The following MID1 variants were observed in gnomAD, a reference collection of about 807,000 sequenced individuals.
MID1 encodes the protein E3 ubiquitin-protein ligase Midline-1.
In MID1, 7 loss-of-function variants were observed where a neutral mutation model predicts 40.4. The ratio of observed to expected loss-of-function variants is 0.17; its 90% CI spans 0.10 to 0.33. MID1 has a LOEUF of 0.33. Among genes scored for constraint, MID1 ranks in the 10% least tolerant of loss-of-function variants. The probability of loss-of-function intolerance (pLI) is 1.00; values close to 1 mark genes in which losing one functional copy is unlikely to be tolerated. For missense variants in MID1, 367 were observed against 558.5 expected (o/e 0.66, Z 3.46); for synonymous variants, 229 against 221.2 (o/e 1.04, Z -0.31).
chrX:10,806,531 C>T (rs982843392), intron 1 of MID1, among the ~76,000 whole-genome samples: 7 of 111,592 alleles, frequency 6.3e-5, no homozygotes, highest in African/African-American at 1.3e-4. Context: ...GTTAAGAGGG[C>T]GGGATTGATG....
chrX:10,679,625 GT>G (rs927437363), intron 1 of MID1, among the ~76,000 whole-genome samples: 4 of 112,116 alleles, frequency 3.6e-5, no homozygotes, highest in African/African-American at 1.3e-4. Flanking sequence ...AGCTGAAAAT[GT>G]TTACTCTCTG....
intron 1 of MID1, among the ~76,000 whole-genome samples, chrX:10,809,925 AT>A (rs1381918692): frequency 5.4e-5 from 6 of 111,145 alleles, no homozygotes; most frequent in African/African-American, 1.6e-4. Context: ...TAATAAAAAA[AT>A]AATAAAAATA....
At chrX:10,654,735 A>G (rs968123058) in intron 1 of MID1, among the ~76,000 whole-genome samples, 7 of 112,087 alleles carry the variant, frequency 6.2e-5, no homozygotes, top group African/African-American at 2.3e-4. Context: ...GGACTCCCAC[A>G]CATGCCAGAG....
intron 1 of MID1, among the ~76,000 whole-genome samples, chrX:10,749,420 T>C (rs2043583210): frequency 8.9e-6 from 1 of 112,128 alleles, no homozygotes; most frequent in African/African-American, 3.2e-5. Context: ...GGATGGTTTA[T>C]GTGCACACGA....
At chrX:10,545,644 T>C (rs1048058005) in intron 2 of MID1, among the ~76,000 whole-genome samples, 5 of 111,749 alleles carry the variant, frequency 4.5e-5, no homozygotes, top group Non-Finnish European at 9.4e-5. Context: ...AATACTCAGG[T>C]CAGAAAATTA....
Position 10,567,598 on chromosome X carries a change from A to G in MID1, c.-51T>C. ...TCAGCAAAACCCAAGGAAGCTGATC[A>G]GCTATCTGGAAACAAGAATGTAAGA... is the stretch of plus-strand genomic sequence containing the variant. On this transcript the variant is annotated 5_prime_UTR_variant, in exon 2 of 10. Transcript: ENST00000317552. 1 of 1,192,305 alleles carries G rather than the reference A, an allele frequency of 8.4e-7. No homozygotes were observed. Among genetic ancestry groups the G allele is most frequent in the South Asian group, 1.8e-5 (1 of 56,480 alleles).
chrX:10,808,316 A>T (rs1487877817), intron 1 of MID1, among the ~76,000 whole-genome samples: 1 of 111,472 alleles, frequency 9.0e-6, no homozygotes, highest in Non-Finnish European at 1.9e-5. Context: ...CCTCTCTGTA[A>T]TGGTCCTCTA....
At chrX:10,801,367 AT>A (rs2044006177) in intron 1 of MID1, among the ~76,000 whole-genome samples, 1 of 111,832 alleles carries the variant, frequency 8.9e-6, no homozygotes, top group Non-Finnish European at 1.9e-5. Context: ...AAATACAGAG[AT>A]TTATAACTTT....
chrX:10,494,103 G>A (rs1931100541), intron 4 of MID1, among the ~76,000 whole-genome samples: 1 of 112,172 alleles, frequency 8.9e-6, no homozygotes, highest in Non-Finnish European at 1.9e-5. Flanking sequence ...TAGCTTTTCG[G>A]CACATGTGAG....
chrX:10,497,827 T>C (rs902668449), intron 3 of MID1, among the ~76,000 whole-genome samples: 1 of 112,261 alleles, frequency 8.9e-6, no homozygotes, highest in Non-Finnish European at 1.9e-5. Context: ...GTAAGCTCCA[T>C]ATGGGCAGGG....
At chrX:10,660,089 T>C (rs1219069260) in intron 1 of MID1, among the ~76,000 whole-genome samples, 1 of 111,826 alleles carries the variant, frequency 8.9e-6, no homozygotes, top group African/African-American at 3.3e-5. Context: ...CACAGTCGTG[T>C]CTCTCCCAAC....
chrX:10,812,044 A>T (rs2044106153), intron 1 of MID1, among the ~76,000 whole-genome samples: 1 of 111,836 alleles, frequency 8.9e-6, no homozygotes, highest in South Asian at 3.7e-4. Flanking sequence ...TTAGTCCCTG[A>T]AATTTGAAAA....
intron 1 of MID1, among the ~76,000 whole-genome samples, chrX:10,708,338 TA>T (rs989473853): frequency 3.6e-5 from 4 of 111,648 alleles, no homozygotes; most frequent in Non-Finnish European, 7.5e-5. Flanking sequence ...ACCAGTTAAG[TA>T]AAAAAGAATT....
At chrX:10,517,972 C>T (rs986777324) in intron 3 of MID1, among the ~76,000 whole-genome samples, 1 of 111,883 alleles carries the variant, frequency 8.9e-6, no homozygotes, top group African/African-American at 3.3e-5. Context: ...GGGCAGGGTC[C>T]TTTGGCACCT....
chrX:10,518,200 G>A (rs1456011894), intron 3 of MID1, among the ~76,000 whole-genome samples: 1 of 112,084 alleles, frequency 8.9e-6, no homozygotes, highest in Non-Finnish European at 1.9e-5. Context: ...AAAAGAGAAA[G>A]AGAAGACTGT....
At chrX:10,510,871 A>C (rs1382939081) in intron 3 of MID1, among the ~76,000 whole-genome samples, 8 of 107,567 alleles carry the variant, frequency 7.4e-5, no homozygotes, top group African/African-American at 2.4e-4. Context: ...GCTGAAACCT[A>C]AGGTTTTTTG....
chrX:10,588,746 T>C (rs955683952), intron 1 of MID1, among the ~76,000 whole-genome samples: 2 of 110,540 alleles, frequency 1.8e-5, no homozygotes, highest in African/African-American at 6.6e-5. Context: ...TCTTAACTAC[T>C]GTGGGGGGAA....
intron 1 of MID1, among the ~76,000 whole-genome samples, chrX:10,818,139 T>C (rs1346733358): frequency 8.9e-6 from 1 of 112,468 alleles, no homozygotes; most frequent in East Asian, 2.8e-4. Flanking sequence ...CAAGAGTACA[T>C]ACAAAACTGG....
intron 1 of MID1, among the ~76,000 whole-genome samples, chrX:10,671,374 A>C (rs762369547): frequency 8.9e-6 from 1 of 112,225 alleles, no homozygotes; most frequent in Non-Finnish European, 1.9e-5. Flanking sequence ...CAGTTTCTTC[A>C]TCAGAAAACT....
Sources: allele counts gnomAD v4.1 joint callset (sites outside exome capture counted in the v4.1 genomes callset), GRCh38; gene constraint gnomAD v4.1.1; transcripts MANE v1.5; gene names NCBI Gene and HGNC (gene_info 2026-07-23, HGNC 2026-07-21).